The following ZFHX3 variants were observed in gnomAD, a reference collection of about 807,000 sequenced individuals.
ZFHX3 encodes zinc finger homeobox 3.
A neutral mutation model predicts 279.1 loss-of-function variants in ZFHX3; 42 were observed. The observed-to-expected ratio is 0.15, with a 90% CI of 0.12 to 0.19. ZFHX3 has a LOEUF of 0.19. Among genes scored for constraint, ZFHX3 ranks in the 10% least tolerant of loss-of-function variants. The pLI is 1.00. For synonymous variants in ZFHX3, 2,293 were observed against 1,957.8 expected, an observed-to-expected ratio of 1.17 and a Z score of -4.52; for missense variants, 4,981 against 4,754.0, an observed-to-expected ratio of 1.05 and a Z score of -1.40.
intron 2 of ZFHX3, among the ~76,000 whole-genome samples, chr16:73,501,775 T>G (rs1252246597): frequency 6.6e-6 from 1 of 152,164 alleles, no homozygotes; most frequent in African/African-American, 2.4e-5. Flanking sequence ...AAAGCTGCTG[T>G]GTGGAGAAGA....
At chr16:72,984,816 C>A (rs1037220258) in intron 1 of ZFHX3, among the ~76,000 whole-genome samples, 9 of 151,864 alleles carry the variant, frequency 5.9e-5, no homozygotes, top group Admixed American at 4.6e-4. Context: ...TCACCCCAGG[C>A]CTCAACAGAA....
At chr16:73,799,936 T>G (rs963459877) in intron 1 of ZFHX3, among the ~76,000 whole-genome samples, 1 of 152,152 alleles carries the variant, frequency 6.6e-6, no homozygotes, top group Non-Finnish European at 1.5e-5. Context: ...TGCCCTCATC[T>G]GGAATCCCAA....
At chr16:73,817,439 T>C (rs773515824) in intron 1 of ZFHX3, among the ~76,000 whole-genome samples, 1 of 152,200 alleles carries the variant, frequency 6.6e-6, no homozygotes, top group Non-Finnish European at 1.5e-5. Flanking sequence ...TTCAAGTACA[T>C]AGTTGGCTAT....
chr16:73,696,150 G>T (rs984965147), intron 1 of ZFHX3, among the ~76,000 whole-genome samples: 3 of 152,174 alleles, frequency 2.0e-5, no homozygotes, highest in African/African-American at 7.2e-5. Context: ...TTGGTTGAGG[G>T]CTTTCAGTGG....
chr16:73,677,866 G>A (rs1342332534), intron 2 of ZFHX3, among the ~76,000 whole-genome samples: 5 of 151,966 alleles, frequency 3.3e-5, no homozygotes, highest in Non-Finnish European at 5.9e-5. Context: ...GTGACTTAGG[G>A]AGGTTTATTT....
Position 72,870,600 on chromosome 16 carries a change from C to T in ZFHX3, c.3448+19131G>A, listed in dbSNP as rs1444591974. On this transcript the variant is annotated intron_variant, in intron 4 of 9. Coordinates refer to ENST00000268489, the MANE Select transcript of ZFHX3 (RefSeq NM_006885.4). ...GGCAGTGGTGGCAGGCGCCCTTAGTCCCAGCTACTTGGGAGGCTGAGGCAG... is the reference window on the plus strand; with the variant it reads ...GGCAGTGGTGGCAGGCGCCCTTAGTTCCAGCTACTTGGGAGGCTGAGGCAG... Among the ~76,000 whole-genome samples the T allele has an allele frequency of 7.9e-5, 12 of 151,214 alleles. No homozygotes were observed. The East Asian group carries it at 2.3e-3, about 29-fold the overall frequency.
chr16:73,517,782 G>A (rs2019548161), intron 2 of ZFHX3, among the ~76,000 whole-genome samples: 1 of 152,110 alleles, frequency 6.6e-6, no homozygotes. Context: ...GCAGCCCTCA[G>A]GTACAGCGAT....
intron 1 of ZFHX3, among the ~76,000 whole-genome samples, chr16:73,056,338 TTC>T (rs1260061393): frequency 2.0e-5 from 3 of 152,282 alleles, no homozygotes; most frequent in Admixed American, 6.5e-5. Context: ...CTCTAGTATA[TTC>T]TCTTTTATTT....
chr16:73,244,337 AAGAC>A lies in ZFHX3; in HGVS notation c.-1104+12706_-1104+12709del, dbSNP rs371913709. Among the ~76,000 whole-genome samples, 502 of 151,890 alleles carry A rather than the reference AAGAC, an allele frequency of 3.3e-3. 10 individuals carry two copies. The South Asian group carries it at 0.045, about 14-fold the overall frequency. ...GTACAGGACGCCTTCCACTGTGAAGAAGACAGATTATCCTTCTCTCCTCCATCCT... is the reference window on the plus strand; with the variant it reads ...GTACAGGACGCCTTCCACTGTGAAGAAGATTATCCTTCTCTCCTCCATCCT... On this transcript the variant is annotated intron_variant, in intron 5 of 17. Transcript: ENST00000641206.
intron 3 of ZFHX3, among the ~76,000 whole-genome samples, chr16:73,447,076 G>C (rs1228912608): frequency 3.3e-5 from 5 of 151,666 alleles, no homozygotes; most frequent in African/African-American, 1.2e-4. Context: ...AGCTACTCGG[G>C]AGGCTGAGGC....
At chr16:73,822,061 T>C (rs935307643) in intron 1 of ZFHX3, among the ~76,000 whole-genome samples, 8 of 152,158 alleles carry the variant, frequency 5.3e-5, no homozygotes, top group Non-Finnish European at 1.2e-4. Context: ...CTTCCTGCAA[T>C]CTTCAGTCAC....
chr16:73,406,489 ATCCT>A, intron 3 of ZFHX3, among the ~76,000 whole-genome samples: 1 of 152,240 alleles, frequency 6.6e-6, no homozygotes, highest in Non-Finnish European at 1.5e-5. Flanking sequence ...AGTAAGTTTC[ATCCT>A]AAAGACATAC....
At chr16:73,890,159 T>C (rs2030481454) in intron 1 of ZFHX3, among the ~76,000 whole-genome samples, 1 of 148,994 alleles carries the variant, frequency 6.7e-6, no homozygotes. Flanking sequence ...CTAAAATAAA[T>C]AAATCTATGA....
At chr16:72,859,647 T>C (rs2143887056) in intron 4 of ZFHX3, among the ~76,000 whole-genome samples, 1 of 152,282 alleles carries the variant, frequency 6.6e-6, no homozygotes, top group Non-Finnish European at 1.5e-5. Flanking sequence ...AGGCTAAAAC[T>C]CATTGGCCCC....
chr16:73,224,401 T>C (rs995499634), intron 5 of ZFHX3, among the ~76,000 whole-genome samples: 6 of 152,224 alleles, frequency 3.9e-5, no homozygotes, highest in African/African-American at 1.4e-4. Context: ...GTTGGAGGTT[T>C]TTCTTGTTCA....
chr16:73,818,256 G>C (rs1402773950), intron 1 of ZFHX3, among the ~76,000 whole-genome samples: 1 of 152,162 alleles, frequency 6.6e-6, no homozygotes, highest in Non-Finnish European at 1.5e-5. Flanking sequence ...AATACTTTGA[G>C]GCAATGTAGT....
At chr16:73,065,566 GGTGTGTGTGTGTGTGTGTGTGT>G (rs10540025) in intron 8 of ZFHX3, among the ~76,000 whole-genome samples, 8 of 144,690 alleles carry the variant, frequency 5.5e-5, no homozygotes, top group African/African-American at 1.5e-4. Context: ...AGCTTTTCCT[GGTGTGTGTGTGTGTGTGTGTGT>G]GTGTGTGTGT....
chr16:73,309,173 A>C (rs986223260), intron 4 of ZFHX3, among the ~76,000 whole-genome samples: 3 of 152,124 alleles, frequency 2.0e-5, no homozygotes. Context: ...CTATTTTGTC[A>C]TCTGAGTACT....
At chr16:73,092,778 A>G (rs761645330) in intron 8 of ZFHX3, 2 of 373,524 alleles carry the variant, frequency 5.4e-6, no homozygotes, top group Middle Eastern at 9.8e-4. Flanking sequence ...TCACCCTGCT[A>G]TTTATGGGTT....
Sources: gnomAD v4.1 joint callset for allele counts (sites outside exome capture counted in the v4.1 genomes callset) on GRCh38, gnomAD v4.1.1 for gene constraint, MANE v1.5 for transcripts, NCBI Gene and HGNC (gene_info 2026-07-23, HGNC 2026-07-21) for gene names.